NCOA6: variants seen among roughly 807,000 people sequenced by gnomAD.
NCOA6 encodes the protein nuclear receptor coactivator 6.
Under a neutral mutation model 171.4 loss-of-function variants are expected in NCOA6, and 49 were observed. That is an observed-to-expected ratio of 0.29 (90% CI 0.23 to 0.36). The LOEUF (loss-of-function observed/expected upper bound fraction) is 0.36, where lower values mean the gene tolerates loss of function less well. Among genes scored for constraint, NCOA6 ranks in the 10% least tolerant of loss-of-function variants. NCOA6 has a pLI of 1.00. For synonymous variants in NCOA6, 910 were observed against 927.5 expected (o/e 0.98, Z 0.34); for missense variants, 2,248 against 2,554.5 (o/e 0.88, Z 2.59).
intron 2 of NCOA6, among the ~76,000 whole-genome samples, chr20:34,789,174 GA>G (rs1323861035): frequency 7.2e-5 from 11 of 152,146 alleles, no homozygotes; most frequent in African/African-American, 1.2e-4. Context: ...AACTTTGAGG[GA>G]ACTATGGTAG....
intron 8 of NCOA6, among the ~76,000 whole-genome samples, chr20:34,753,360 C>G (rs527972213): frequency 6.7e-6 from 1 of 149,682 alleles, no homozygotes; most frequent in African/African-American, 2.4e-5. Context: ...TTTAAAACTT[C>G]CTATAAAAAA....
chr20:34,727,162 A>G, intron 14 of NCOA6, 97 bp downstream of exon 14: 2 of 1,398,386 alleles, frequency 1.4e-6, no homozygotes, highest in African/African-American at 2.9e-5. Flanking sequence ...GACTTCAGGA[A>G]CAGAAGCAAT....
rs2077922427 is a variant in NCOA6, at chr20:34,792,578, C to T, written c.-163-15G>A. On this transcript the variant is annotated splice_polypyrimidine_tract_variant and intron_variant, in intron 1 of 14. Coordinates refer to ENST00000359003, the MANE Select transcript of NCOA6 (RefSeq NM_014071.5). Reference sequence around the variant, plus strand: ...AAATCAAAATTCTAAAAACAAACAACAACAACAACAACAAAAAGAGAGAGA... The same window carrying T: ...AAATCAAAATTCTAAAAACAAACAATAACAACAACAACAAAAAGAGAGAGA... The T allele has an allele frequency of 7.5e-6, 3 of 398,288 alleles. No homozygotes were observed. In the East Asian group the frequency reaches 1.1e-4, roughly 14 times the overall value. The allele number at this position is 398,288 out of a possible 1,614,324, so 24.7% of individuals were successfully genotyped here.
At chr20:34,733,727 T>C (rs2075858109) in intron 12 of NCOA6, among the ~76,000 whole-genome samples, 1 of 151,654 alleles carries the variant, frequency 6.6e-6, no homozygotes, top group South Asian at 2.1e-4. Flanking sequence ...AAGGTGCTAG[T>C]AGAAGGGAAT....
At chr20:34,727,188 C>T (rs1247321004) in intron 14 of NCOA6, 71 bp downstream of exon 14, 1 of 1,527,502 alleles carries the variant, frequency 6.5e-7, no homozygotes, top group African/African-American at 1.4e-5. Flanking sequence ...AGGACAAAGT[C>T]TTCTACTGCT....
intron 3 of NCOA6, among the ~76,000 whole-genome samples, chr20:34,778,958 C>CAAA (rs57631874): frequency 1.3e-4 from 6 of 46,506 alleles, no homozygotes; most frequent in African/African-American, 4.2e-4. Context: ...GACTCCGTTT[C>CAAA]AAAAAAAAAA....
chr20:34,750,618 CT>C, intron 8 of NCOA6, 99 bp from the exon 9 acceptor site: 1 of 1,241,914 alleles, frequency 8.1e-7, no homozygotes, highest in Non-Finnish European at 1.1e-6. Context: ...ATCCATCACC[CT>C]TATATCCACT....
In NCOA6 at chr20:34,764,940, C is replaced by T. The variant is rs151054206; in HGVS notation, c.514+3524G>A. Among the ~76,000 whole-genome samples the T allele has an allele frequency of 9.7e-3, 1,466 of 151,660 alleles. 19 individuals are homozygous for T. The highest frequency in any genetic ancestry group is 0.014 in the Middle Eastern group (4 of 292). On this transcript the variant is annotated intron_variant, in intron 5 of 14. Transcript: ENST00000359003. Reference sequence around the variant, plus strand: ...ACCAGCCTGGCCAACATGGTGAAACCCCATCTCTACTAAAAATACAAAAAT... The same window carrying T: ...ACCAGCCTGGCCAACATGGTGAAACTCCATCTCTACTAAAAATACAAAAAT...
At chr20:34,763,613 C>T (rs1023928779) in intron 5 of NCOA6, among the ~76,000 whole-genome samples, 4 of 152,124 alleles carry the variant, frequency 2.6e-5, no homozygotes, top group African/African-American at 7.2e-5. Context: ...TGAGAAAATA[C>T]GCCCCTCCAC....
At chr20:34,816,030 A>G (rs893124842) in intron 1 of NCOA6, among the ~76,000 whole-genome samples, 2 of 152,188 alleles carry the variant, frequency 1.3e-5, no homozygotes, top group Admixed American at 6.5e-5. Flanking sequence ...CAGGGCCCCA[A>G]GAAAGTACGT....
At chr20:34,780,778 C>T (rs1373113683) in intron 3 of NCOA6, among the ~76,000 whole-genome samples, 2 of 152,108 alleles carry the variant, frequency 1.3e-5, no homozygotes, top group Non-Finnish European at 2.9e-5. Flanking sequence ...CTCAGCCTCT[C>T]GAGTAGCTGG....
intron 10 of NCOA6, among the ~76,000 whole-genome samples, chr20:34,744,499 G>C (rs6060027): frequency 6.6e-6 from 1 of 152,074 alleles, no homozygotes; most frequent in Non-Finnish European, 1.5e-5. Context: ...AGAAGGTGTA[G>C]GAATAAGAAC....
At chr20:34,750,748 T>A (rs1389057646) in intron 8 of NCOA6, among the ~76,000 whole-genome samples, 1 of 152,226 alleles carries the variant, frequency 6.6e-6, no homozygotes, top group Non-Finnish European at 1.5e-5. Flanking sequence ...AGAAACAGTT[T>A]CTACATTCCC....
intron 1 of NCOA6, among the ~76,000 whole-genome samples, chr20:34,813,595 T>C (rs1253807448): frequency 6.6e-6 from 1 of 152,172 alleles, no homozygotes; most frequent in Non-Finnish European, 1.5e-5. Flanking sequence ...AAGAATATCC[T>C]TACTTGCAGG....
intron 11 of NCOA6, among the ~76,000 whole-genome samples, chr20:34,737,949 A>G (rs2076006902): frequency 6.6e-6 from 1 of 152,166 alleles, no homozygotes; most frequent in South Asian, 2.1e-4. Flanking sequence ...CCCAGGCTGT[A>G]GTGCAATGGC....
chr20:34,743,208 T>C lies in NCOA6; in HGVS notation c.3048A>G (p.Pro1016=), dbSNP rs2076203872. ...QPQLPQQQQP[P]PPSQPQSQQQ... ...GCTGAGACTGTGGCTGACTGGGAGG[T>C]GGTGGCTGCTGCTGCTGAGGCAGTT... is the stretch of plus-strand genomic sequence containing the variant. Residue 1016 remains proline (P), a synonymous_variant, in exon 11 of 15, where the codon CCA becomes CCG. Transcript: ENST00000359003. The C allele has an allele frequency of 6.2e-7, 1 of 1,613,810 alleles. No individual in the cohort carries two copies. The highest frequency in any genetic ancestry group is 1.1e-5 in the South Asian group (1 of 91,068).
intron 4 of NCOA6, among the ~76,000 whole-genome samples, chr20:34,770,458 A>T (rs1268921699): frequency 6.6e-6 from 1 of 152,170 alleles, no homozygotes; most frequent in East Asian, 1.9e-4. Context: ...GCGTAAAAAG[A>T]GAAACAGAAT....
intron 4 of NCOA6, among the ~76,000 whole-genome samples, chr20:34,769,242 G>A (rs555628680): frequency 1.3e-5 from 2 of 152,164 alleles, no homozygotes; most frequent in Non-Finnish European, 2.9e-5. Context: ...CCAGGCTGCA[G>A]TGCAGTGGCA....
chr20:34,789,820 G>A (rs1346035132), intron 2 of NCOA6, among the ~76,000 whole-genome samples: 2 of 151,820 alleles, frequency 1.3e-5, no homozygotes, highest in African/African-American at 4.8e-5. Context: ...ATAAATACTC[G>A]GTAAATGTCA....
Sources: allele counts gnomAD v4.1 joint callset (sites outside exome capture counted in the v4.1 genomes callset), GRCh38; gene constraint gnomAD v4.1.1; transcripts MANE v1.5; gene names NCBI Gene and HGNC (gene_info 2026-07-23, HGNC 2026-07-21).